The following PHACTR2 variants were observed in gnomAD, a reference collection of about 807,000 sequenced individuals.
PHACTR2 encodes the protein chromosome 6 open reading frame 56.
PHACTR2 carries 30 observed loss-of-function variants against 76.0 expected under a neutral mutation model. That is an observed-to-expected ratio of 0.39 (90% CI 0.30 to 0.54). The LOEUF (loss-of-function observed/expected upper bound fraction) is 0.54, where lower values mean the gene tolerates loss of function less well. Among genes scored for constraint, PHACTR2 ranks in the 20% least tolerant of loss-of-function variants. PHACTR2 has a pLI of 0.61. For missense variants in PHACTR2, 696 were observed against 781.1 expected, an observed-to-expected ratio of 0.89 and a Z score of 1.30; for synonymous variants, 292 against 292.5, an observed-to-expected ratio of 1.00 and a Z score of 0.02.
chr6:143,720,330 A>G (rs149514655), intron 2 of PHACTR2, among the ~76,000 whole-genome samples: 1 of 152,320 alleles, frequency 6.6e-6, no homozygotes, highest in South Asian at 2.1e-4. Context: ...ACTGTACTAG[A>G]AAGTGAGAAG....
At chr6:143,582,511 A>G (rs56260812) in intron 1 of PHACTR2, among the ~76,000 whole-genome samples, 41,009 of 151,932 alleles carry the variant, frequency 0.27, 5,548 homozygotes, top group Middle Eastern at 0.41. Flanking sequence ...TATTCCTGCA[A>G]CTTTTTTCCT....
chr6:143,615,706 A>C (rs1036830679), intron 1 of PHACTR2, among the ~76,000 whole-genome samples: 2 of 152,240 alleles, frequency 1.3e-5, no homozygotes, highest in Non-Finnish European at 2.9e-5. Context: ...CCTTTCCCAT[A>C]TGTTTTTAAT....
At position 143,725,149 on chromosome 6, in the gene PHACTR2, G is replaced by A. The variant is rs148608182; in HGVS notation, c.214+12966G>A. Among the ~76,000 whole-genome samples the A allele has an allele frequency of 4.1e-4, 60 of 146,816 alleles. No homozygotes were observed. The East Asian group carries it at 0.011, about 28-fold the overall frequency. On this transcript the variant is annotated intron_variant, in intron 2 of 12. Coordinates refer to ENST00000440869, the MANE Select transcript of PHACTR2 (RefSeq NM_001100164.2). ...ATAGTTTTGCATAATCGCTACCACAGTCAGGATATATCAGAGTTCTGTCAC... is the reference window on the plus strand; with the variant it reads ...ATAGTTTTGCATAATCGCTACCACAATCAGGATATATCAGAGTTCTGTCAC...
rs986627475 is a variant in PHACTR2 at position 143,554,644 on chromosome 6, A to G, written c.217+17437A>G. The G allele has an allele frequency of 1.3e-5, 2 of 152,200 alleles. No homozygotes were observed. The highest frequency in any genetic ancestry group is 3.8e-4 in the East Asian group (2 of 5,200). The allele number at this position is 152,200 out of a possible 1,614,324, so 9.4% of individuals were successfully genotyped here. ...GAGGGTGGGAGTTCTCGGTAAACCAATTTAGCAGGGCTTTTGTTAAAACTG... is the reference window on the plus strand; with the variant it reads ...GAGGGTGGGAGTTCTCGGTAAACCAGTTTAGCAGGGCTTTTGTTAAAACTG... On this transcript the variant is annotated intron_variant, in intron 1 of 11. Transcript: ENST00000367584. The surrounding 1 kb of genome is among the most constrained non-coding windows in gnomAD (Gnocchi z 5.9).
At chr6:143,701,242 G>T (rs1030073371) in intron 1 of PHACTR2, among the ~76,000 whole-genome samples, 2 of 152,170 alleles carry the variant, frequency 1.3e-5, no homozygotes, top group Non-Finnish European at 2.9e-5. Context: ...AGTGCTTGCA[G>T]GCAGATGGAA....
At chr6:143,773,869 G>A (rs555184433) in intron 7 of PHACTR2, among the ~76,000 whole-genome samples, 190 bp from the exon 8 acceptor site, 6 of 152,006 alleles carry the variant, frequency 3.9e-5, no homozygotes, top group Non-Finnish European at 7.4e-5. Flanking sequence ...AAGAAATAGC[G>A]CTTCAGTCCT....
At chr6:143,746,600 G>A (rs563570310) in intron 2 of PHACTR2, among the ~76,000 whole-genome samples, 2 of 152,136 alleles carry the variant, frequency 1.3e-5, no homozygotes, top group East Asian at 3.9e-4. Context: ...ACAGAGTCCC[G>A]CCACCCCTCA....
chr6:143,669,734 A>G (rs913763184), intron 1 of PHACTR2, among the ~76,000 whole-genome samples: 5 of 151,822 alleles, frequency 3.3e-5, no homozygotes, highest in African/African-American at 1.2e-4. Flanking sequence ...TGCTTGGTAA[A>G]TATTCCTCCA....
chr6:143,781,145 T>C (rs1775419339), intron 9 of PHACTR2, among the ~76,000 whole-genome samples: 1 of 152,192 alleles, frequency 6.6e-6, no homozygotes, highest in Admixed American at 6.5e-5. Context: ...AGAGGAACAG[T>C]CATGTTGGCT....
chr6:143,618,944 G>A lies in PHACTR2; in HGVS notation c.13+10622G>A, dbSNP rs1190691242. Among the ~76,000 whole-genome samples the A allele has an allele frequency of 6.6e-6, 1 of 152,130 alleles. No individual in the cohort carries two copies. The highest frequency in any genetic ancestry group is 2.4e-5 in the African/African-American group (1 of 41,414). ...TATACTAAGTACTGTACCTGGCAGA[G>A]GAGGTGTGTTCCATAAGCAGGCAAA... On this transcript the variant is annotated intron_variant, in intron 1 of 11. Coordinates refer to the PHACTR2 transcript ENST00000305766. The surrounding 1 kb of genome is among the most constrained non-coding windows in gnomAD (Gnocchi z 5.2).
At chr6:143,673,328 ATT>A (rs11357308), upstream of PHACTR2, among the ~76,000 whole-genome samples, 9 of 149,874 alleles carry the variant, frequency 6.0e-5, no homozygotes, top group Admixed American at 1.3e-4. Context: ...GTATTCCCAG[ATT>A]TTTTTTTTTG....
intron 1 of PHACTR2, among the ~76,000 whole-genome samples, chr6:143,668,539 G>A (rs1777087960): frequency 6.6e-6 from 1 of 152,118 alleles, no homozygotes; most frequent in Non-Finnish European, 1.5e-5. Flanking sequence ...ATTAATTACT[G>A]CCTCTATTTC....
chr6:143,776,350 A>G lies in PHACTR2; in HGVS notation c.1590-978A>G, dbSNP rs1030169719. Among the ~76,000 whole-genome samples the G allele has an allele frequency of 6.6e-6, 1 of 152,194 alleles. No individual in the cohort carries two copies. Among genetic ancestry groups the G allele is most frequent in the Admixed American group, 6.5e-5 (1 of 15,286 alleles). ...AGAAAGCTCTAAAAACTGACCCAAA[A>G]TTGCTATATATAATGATTTCAGCAG... is the stretch of plus-strand genomic sequence containing the variant. On this transcript the variant is annotated intron_variant, in intron 8 of 12. Transcript: ENST00000440869. This position sits in a 1 kb window ranked among gnomAD's most constrained non-coding sequence, Gnocchi z 5.3.
At position 143,556,436 on chromosome 6, in the gene PHACTR2, A is replaced by G. The variant is rs1373191698; in HGVS notation, c.217+19229A>G. 6.6e-6 allele frequency among the ~76,000 whole-genome samples: 1 copy of G among 152,272 alleles called. No homozygotes were observed. The highest frequency in any genetic ancestry group is 1.5e-5 in the Non-Finnish European group (1 of 68,048). ...GAAAACATTGAAGGCAGCCAGCTTG[A>G]TAGAATCATCAAAAATAAAAATTGA... is the stretch of plus-strand genomic sequence containing the variant. On this transcript the variant is annotated intron_variant, in intron 1 of 11. Transcript: ENST00000367584. This position sits in a 1 kb window ranked among gnomAD's most constrained non-coding sequence, Gnocchi z 4.3.
intron 1 of PHACTR2, among the ~76,000 whole-genome samples, chr6:143,584,951 C>A (rs1289203795): frequency 6.7e-6 from 1 of 150,144 alleles, no homozygotes; most frequent in Non-Finnish European, 1.5e-5. Flanking sequence ...TCCTCTAAAC[C>A]CCAAGACCCT....
At chr6:143,740,121 A>G (rs1455311708) in intron 2 of PHACTR2, among the ~76,000 whole-genome samples, 1 of 152,212 alleles carries the variant, frequency 6.6e-6, no homozygotes, top group Non-Finnish European at 1.5e-5. Context: ...CATGCTAAAC[A>G]AGGGGTGGAT....
chr6:143,566,831 C>CAA (rs528672385), intron 1 of PHACTR2, among the ~76,000 whole-genome samples: 5 of 137,970 alleles, frequency 3.6e-5, no homozygotes, highest in South Asian at 2.4e-4. Context: ...AAGGACTTTT[C>CAA]AAAAAAAAAA....
intron 6 of PHACTR2, among the ~76,000 whole-genome samples, chr6:143,766,862 A>C (rs149393849): frequency 1.2e-3 from 176 of 152,342 alleles, no homozygotes; most frequent in Middle Eastern, 6.8e-3. Context: ...GATGGCTGTC[A>C]GAGTATAGTA....
Position 143,709,310 on chromosome 6 carries a change from T to C in PHACTR2, c.47-2706T>C, listed in dbSNP as rs1778117613. On this transcript the variant is annotated intron_variant, in intron 1 of 12. Coordinates refer to ENST00000440869, the MANE Select transcript of PHACTR2 (RefSeq NM_001100164.2). This position sits in a 1 kb window ranked among gnomAD's most constrained non-coding sequence, Gnocchi z 4.4. ...CCTAGCAATGCACAGTGTCTGCCCA[T>C]CTCTGCCCAGATAGTACCTGAAATT... Among the ~76,000 whole-genome samples, 1 of 152,174 alleles carries C rather than the reference T, an allele frequency of 6.6e-6. No individual in the cohort carries two copies. The highest frequency in any genetic ancestry group is 1.5e-5 in the Non-Finnish European group (1 of 68,024).
Sources: allele counts gnomAD v4.1 joint callset (sites outside exome capture counted in the v4.1 genomes callset), GRCh38; gene constraint gnomAD v4.1.1; non-coding constraint Gnocchi (gnomAD v3.1); transcripts MANE v1.5; gene names NCBI Gene and HGNC (gene_info 2026-07-23, HGNC 2026-07-21).